The following KCNH8 variants were observed in gnomAD, a reference collection of about 807,000 sequenced individuals.
KCNH8 encodes potassium voltage-gated channel subfamily H member 8.
A neutral mutation model predicts 103.6 loss-of-function variants in KCNH8; 70 were observed. The ratio of observed to expected loss-of-function variants is 0.68; its 90% CI spans 0.56 to 0.82. The LOEUF (loss-of-function observed/expected upper bound fraction) is 0.82, where lower values mean the gene tolerates loss of function less well. Ranked by LOEUF, KCNH8 falls within the 40% of genes least tolerant of loss-of-function variation. The probability of loss-of-function intolerance (pLI) is 0.00; values close to 1 mark genes in which losing one functional copy is unlikely to be tolerated. For synonymous variants in KCNH8, 498 were observed against 489.4 expected, an observed-to-expected ratio of 1.02 and a Z score of -0.23; for missense variants, 1,217 against 1,329.9, an observed-to-expected ratio of 0.92 and a Z score of 1.32.
intron 1 of KCNH8, among the ~76,000 whole-genome samples, chr3:19,150,711 T>G (rs1353865226): frequency 6.6e-6 from 1 of 152,174 alleles, no homozygotes; most frequent in African/African-American, 2.4e-5. Flanking sequence ...ATAAGATAGG[T>G]TAGATACTTT....
intron 7 of KCNH8, among the ~76,000 whole-genome samples, chr3:19,404,922 T>G (rs2066669531): frequency 6.6e-6 from 1 of 151,840 alleles, no homozygotes. Context: ...ACAGTATAAT[T>G]TTACAAAAAT....
chr3:19,435,038 C>T (rs1306269918), intron 7 of KCNH8, among the ~76,000 whole-genome samples: 1 of 152,016 alleles, frequency 6.6e-6, no homozygotes, highest in Admixed American at 6.6e-5. Context: ...TAAATGTTCT[C>T]ACCACACACA....
intron 7 of KCNH8, among the ~76,000 whole-genome samples, chr3:19,435,051 C>T (rs2067177870): frequency 6.6e-6 from 1 of 151,990 alleles, no homozygotes; most frequent in African/African-American, 2.4e-5. Context: ...CACACACACA[C>T]ACAAAAAGAC....
At chr3:19,455,254 T>C (rs529319731) in intron 10 of KCNH8, among the ~76,000 whole-genome samples, 21 of 152,238 alleles carry the variant, frequency 1.4e-4, no homozygotes, top group Admixed American at 5.9e-4. Context: ...GGTAATAGTG[T>C]TTCCCCCACC....
At chr3:19,197,111 C>G (rs921904510) in intron 1 of KCNH8, among the ~76,000 whole-genome samples, 2 of 151,990 alleles carry the variant, frequency 1.3e-5, no homozygotes, top group African/African-American at 2.4e-5. Flanking sequence ...GCTTTACAAG[C>G]TACTGAAAGA....
At chr3:19,331,377 C>A (rs543753892) in intron 3 of KCNH8, among the ~76,000 whole-genome samples, 1 of 151,668 alleles carries the variant, frequency 6.6e-6, no homozygotes, top group Non-Finnish European at 1.5e-5. Context: ...CTGCAACCTC[C>A]GCCTCCCAGG....
chr3:19,236,607 G>T (rs188314419), intron 1 of KCNH8, among the ~76,000 whole-genome samples: 168 of 152,272 alleles, frequency 1.1e-3, no homozygotes, highest in Non-Finnish European at 1.5e-3. Context: ...CATTTTATAT[G>T]CCCTTTCCTC....
chr3:19,172,859 A>G (rs2063361331), intron 1 of KCNH8, among the ~76,000 whole-genome samples: 1 of 152,100 alleles, frequency 6.6e-6, no homozygotes, highest in Non-Finnish European at 1.5e-5. Flanking sequence ...TGATTGTACC[A>G]TAAAGTTTTT....
intron 1 of KCNH8, among the ~76,000 whole-genome samples, chr3:19,220,545 C>T (rs80256379): frequency 0.026 from 3,914 of 152,052 alleles, 166 homozygotes; most frequent in African/African-American, 0.088. Context: ...AATGAGTCTT[C>T]AAAGAGGAAG....
intron 1 of KCNH8, among the ~76,000 whole-genome samples, chr3:19,196,678 C>T (rs776015942): frequency 6.6e-6 from 1 of 151,928 alleles, no homozygotes; most frequent in Non-Finnish European, 1.5e-5. Flanking sequence ...CTTTCTCCGC[C>T]GTGGAAGAAC....
chr3:19,316,365 T>TC (rs1473266154), intron 3 of KCNH8, among the ~76,000 whole-genome samples: 1 of 151,824 alleles, frequency 6.6e-6, no homozygotes, highest in Non-Finnish European at 1.5e-5. Context: ...TGGTAAAATC[T>TC]CCCCTGGTTG....
At chr3:19,363,621 G>A (rs1298287545) in intron 5 of KCNH8, among the ~76,000 whole-genome samples, 1 of 151,948 alleles carries the variant, frequency 6.6e-6, no homozygotes, top group Non-Finnish European at 1.5e-5. Context: ...TCTCCGTTTC[G>A]TGTTAAATGG....
chr3:19,411,876 A>G (rs751493495), intron 7 of KCNH8, among the ~76,000 whole-genome samples: 1 of 152,048 alleles, frequency 6.6e-6, no homozygotes, highest in Non-Finnish European at 1.5e-5. Context: ...GAAACCATAG[A>G]TGACACACAC....
chr3:19,318,642 T>A (rs913245286), intron 3 of KCNH8, among the ~76,000 whole-genome samples: 1 of 101,426 alleles, frequency 9.9e-6, no homozygotes, highest in Non-Finnish European at 2.0e-5. Flanking sequence ...ACATGGTAAG[T>A]GTGTGTGTGT....
Position 19,396,948 on chromosome 3 carries a change from A to G in KCNH8, c.1177+1637A>G, listed in dbSNP as rs2066527649. Among the ~76,000 whole-genome samples, 4 of 152,052 alleles carry G rather than the reference A, an allele frequency of 2.6e-5. No individual in the cohort carries two copies. In the South Asian group the frequency reaches 8.3e-4, roughly 32 times the overall value. ...TCAGGCCCCAGACCTATACACTCATATTAATTTGTAAGTCTCGTCTGGTCT... is the reference window on the plus strand; with the variant it reads ...TCAGGCCCCAGACCTATACACTCATGTTAATTTGTAAGTCTCGTCTGGTCT... On this transcript the variant is annotated intron_variant, in intron 7 of 15. Transcript: ENST00000328405.
chr3:19,353,266 C>G (rs538554440), intron 5 of KCNH8, among the ~76,000 whole-genome samples: 1 of 152,152 alleles, frequency 6.6e-6, no homozygotes, highest in South Asian at 2.1e-4. Flanking sequence ...AAAAAAAGTC[C>G]AGGACAGATG....
At chr3:19,527,809 C>T (rs1182511942) in intron 15 of KCNH8, among the ~76,000 whole-genome samples, 1 of 152,074 alleles carries the variant, frequency 6.6e-6, no homozygotes, top group Non-Finnish European at 1.5e-5. Flanking sequence ...GCGTTGCCTG[C>T]AAAACATCTA....
chr3:19,454,546 G>A (rs567075789), intron 10 of KCNH8, among the ~76,000 whole-genome samples: 2 of 152,118 alleles, frequency 1.3e-5, no homozygotes, highest in East Asian at 3.9e-4. Context: ...AATTTAGGTG[G>A]CTAGCAACAG....
At chr3:19,374,619 T>G (rs942550461) in intron 5 of KCNH8, among the ~76,000 whole-genome samples, 1 of 152,182 alleles carries the variant, frequency 6.6e-6, no homozygotes, top group Non-Finnish European at 1.5e-5. Context: ...AGGTTAATAT[T>G]GTTATGTGTG....
Sources: gnomAD v4.1 joint callset for allele counts (sites outside exome capture counted in the v4.1 genomes callset) on GRCh38, gnomAD v4.1.1 for gene constraint, MANE v1.5 for transcripts, NCBI Gene and HGNC (gene_info 2026-07-23, HGNC 2026-07-21) for gene names.